PACRG: variants seen among roughly 807,000 people sequenced by gnomAD.
PACRG encodes parkin coregulated.
A neutral mutation model predicts 29.7 loss-of-function variants in PACRG; 29 were observed. The ratio of observed to expected loss-of-function variants is 0.98; its 90% CI spans 0.73 to 1.33. The LOEUF (loss-of-function observed/expected upper bound fraction) is 1.33, where lower values mean the gene tolerates loss of function less well. Ranked by LOEUF, PACRG falls within the 40% of genes most tolerant of loss-of-function variation. The pLI, the probability that PACRG is intolerant of heterozygous loss-of-function variation, is 0.00. For synonymous variants in PACRG, 116 were observed against 118.7 expected (o/e 0.98, Z 0.15); for missense variants, 279 against 316.2 (o/e 0.88, Z 0.89).
At chr6:163,277,663 G>A (rs748384150) in intron 4 of PACRG, among the ~76,000 whole-genome samples, 9 of 146,464 alleles carry the variant, frequency 6.1e-5, no homozygotes, top group East Asian at 5.9e-4. Flanking sequence ...GTGTGTGTGT[G>A]TATATATATC....
chr6:163,295,791 G>A (rs112694982), intron 4 of PACRG, among the ~76,000 whole-genome samples: 2,847 of 152,264 alleles, frequency 0.019, 52 homozygotes, highest in Middle Eastern at 0.061. Context: ...AGATCCCTGG[G>A]AGGAATATTC....
intron 1 of PACRG, among the ~76,000 whole-genome samples, chr6:162,757,017 T>C (rs1208155252): frequency 6.6e-6 from 1 of 152,192 alleles, no homozygotes; most frequent in East Asian, 1.9e-4. Flanking sequence ...TGTCTATTTT[T>C]CTATTTCTGC....
chr6:162,757,870 C>T (rs1315034426), intron 1 of PACRG, among the ~76,000 whole-genome samples: 1 of 151,862 alleles, frequency 6.6e-6, no homozygotes, highest in Admixed American at 6.6e-5. Context: ...TATGAATAGG[C>T]AATTTACAGA....
intron 4 of PACRG, among the ~76,000 whole-genome samples, chr6:163,164,375 G>GCCTCTAAACTA (rs1778701447): frequency 6.6e-6 from 1 of 152,196 alleles, no homozygotes; most frequent in African/African-American, 2.4e-5. Flanking sequence ...CTCTACGTTG[G>GCCTCTAAACTA]CCTCTAAACT....
rs559358073 is a variant in PACRG at position 163,293,883 on chromosome 6, C to T, written c.614-20944C>T. The stretch of plus-strand genomic sequence containing the variant: ...AAAAAAAACTGTGAAAAGAAAATGG[C>T]AATACTAACCACATTTTGATACATT... On this transcript the variant is annotated intron_variant, in intron 4 of 4. Transcript: ENST00000366888. 3.6e-4 allele frequency among the ~76,000 whole-genome samples: 55 copies of T among 152,098 alleles called. 2 individuals are homozygous for T. In the South Asian group the frequency reaches 0.01, roughly 29 times the overall value.
intron 1 of PACRG, among the ~76,000 whole-genome samples, chr6:162,747,325 C>CATATATATATATATATAT (rs1190146053): frequency 3.0e-5 from 1 of 33,230 alleles, no homozygotes; most frequent in African/African-American, 9.8e-5. Flanking sequence ...TCTCCTTGCT[C>CATATATATATATATATAT]ATATATATAT....
chr6:163,136,052 T>G (rs1236440451), intron 4 of PACRG, among the ~76,000 whole-genome samples: 1 of 152,242 alleles, frequency 6.6e-6, no homozygotes, highest in Non-Finnish European at 1.5e-5. Context: ...AGACTTTAGT[T>G]TTTGTGCCTA....
intron 2 of PACRG, among the ~76,000 whole-genome samples, chr6:162,864,622 C>A (rs114465349): frequency 6.6e-6 from 1 of 152,136 alleles, no homozygotes; most frequent in Non-Finnish European, 1.5e-5. Context: ...CTTGCTTTCA[C>A]GTTTAAATGA....
At chr6:163,237,075 T>A (rs1319426805) in intron 4 of PACRG, among the ~76,000 whole-genome samples, 1 of 152,204 alleles carries the variant, frequency 6.6e-6, no homozygotes, top group Non-Finnish European at 1.5e-5. Context: ...AACACGAGAT[T>A]TGACTGGGGA....
chr6:163,178,253 A>G (rs748933618), intron 4 of PACRG, among the ~76,000 whole-genome samples: 23 of 152,120 alleles, frequency 1.5e-4, no homozygotes, highest in Admixed American at 2.0e-4. Context: ...GCCCCATGCA[A>G]TTCTGGGCAC....
intron 2 of PACRG, among the ~76,000 whole-genome samples, chr6:163,014,800 T>C (rs952977088): frequency 1.3e-5 from 2 of 152,124 alleles, no homozygotes; most frequent in Non-Finnish European, 1.5e-5. Context: ...CTGTAGGCTG[T>C]CTGTTTACTC....
intron 2 of PACRG, among the ~76,000 whole-genome samples, chr6:162,898,355 C>T (rs1171528167): frequency 3.3e-5 from 5 of 152,128 alleles, no homozygotes; most frequent in East Asian, 1.9e-4. Flanking sequence ...AGTCTCTGCG[C>T]GCACCAGCCT....
At chr6:162,957,037 T>G (rs1045431289) in intron 2 of PACRG, among the ~76,000 whole-genome samples, 1 of 151,374 alleles carries the variant, frequency 6.6e-6, no homozygotes, top group Non-Finnish European at 1.5e-5. Flanking sequence ...CAGTAAAGCG[T>G]TTAAAAAAAA....
intron 2 of PACRG, among the ~76,000 whole-genome samples, chr6:162,870,158 C>A (rs1370222806): frequency 6.6e-6 from 1 of 152,178 alleles, no homozygotes; most frequent in African/African-American, 2.4e-5. Flanking sequence ...TATTATGTGT[C>A]CCTGCGTTCC....
At chr6:162,898,703 A>G (rs1562712194) in intron 2 of PACRG, among the ~76,000 whole-genome samples, 1 of 152,244 alleles carries the variant, frequency 6.6e-6, no homozygotes, top group Non-Finnish European at 1.5e-5. Context: ...GAGTTCACAC[A>G]AATACAGGAC....
At chr6:162,829,345 A>C (rs1330531786) in intron 2 of PACRG, among the ~76,000 whole-genome samples, 1 of 152,260 alleles carries the variant, frequency 6.6e-6, no homozygotes, top group African/African-American at 2.4e-5. Context: ...AGTTTCTGCT[A>C]TGGCAGTTGT....
chr6:163,210,019 T>C (rs779798982), intron 4 of PACRG, among the ~76,000 whole-genome samples: 3 of 152,208 alleles, frequency 2.0e-5, no homozygotes, highest in African/African-American at 4.8e-5. Context: ...CTCAGTTCTC[T>C]ACCAAATGTC....
At chr6:163,008,285 C>G (rs1215799821) in intron 2 of PACRG, among the ~76,000 whole-genome samples, 1 of 152,074 alleles carries the variant, frequency 6.6e-6, no homozygotes, top group African/African-American at 2.4e-5. Flanking sequence ...GACACTTTCT[C>G]AGCACATATT....
intron 4 of PACRG, among the ~76,000 whole-genome samples, chr6:163,289,670 C>T (rs982329388): frequency 7.2e-5 from 11 of 152,022 alleles, no homozygotes; most frequent in African/African-American, 9.7e-5. Flanking sequence ...ATGTTGTCCT[C>T]CCCAGCCCTG....
Sources: allele counts gnomAD v4.1 joint callset (sites outside exome capture counted in the v4.1 genomes callset), GRCh38; gene constraint gnomAD v4.1.1; transcripts MANE v1.5; gene names NCBI Gene and HGNC (gene_info 2026-07-23, HGNC 2026-07-21).